The following GNG12 variants were observed in gnomAD, a reference collection of about 807,000 sequenced individuals.
GNG12 encodes guanine nucleotide-binding protein G(I)/G(S)/G(O) subunit gamma-12.
For missense variants in GNG12, 69 were observed against 83.8 expected, an observed-to-expected ratio of 0.82 and a Z score of 0.69; for synonymous variants, 28 against 29.7, an observed-to-expected ratio of 0.94 and a Z score of 0.19.
intron 2 of GNG12, among the ~76,000 whole-genome samples, chr1:67,757,653 T>G (rs900856746): frequency 1.3e-5 from 2 of 152,182 alleles, no homozygotes; most frequent in African/African-American, 2.4e-5. Context: ...GGGACCTTGC[T>G]CTATACTGAC....
chr1:67,820,904 T>C (rs935657747), intron 1 of GNG12, among the ~76,000 whole-genome samples: 3 of 152,208 alleles, frequency 2.0e-5, no homozygotes, highest in Admixed American at 6.5e-5. Context: ...TAGAAATAAG[T>C]TTAATTGATA....
intron 1 of GNG12, among the ~76,000 whole-genome samples, chr1:67,784,164 T>C (rs1281371025): frequency 6.6e-6 from 1 of 150,676 alleles, no homozygotes; most frequent in Non-Finnish European, 1.5e-5. Context: ...ATGTCCTTTG[T>C]AGGGACATGG....
Position 67,705,801 on chromosome 1 carries a change from T to C in GNG12, c.94-225A>G, listed in dbSNP as rs372019724. Among the ~76,000 whole-genome samples, 28 of 152,296 alleles carry C rather than the reference T, an allele frequency of 1.8e-4. No homozygotes were observed. In the South Asian group the frequency reaches 5.6e-3, roughly 30 times the overall value. Reference sequence around the variant, plus strand: ...CTTTCTTAACCAAGCAACTTAACAATGGTCAGACAAACTGGCACCATGTAT... The same window carrying C: ...CTTTCTTAACCAAGCAACTTAACAACGGTCAGACAAACTGGCACCATGTAT... On this transcript the variant is annotated intron_variant, in intron 3 of 3. Coordinates refer to ENST00000370982, the MANE Select transcript of GNG12 (RefSeq NM_018841.6).
chr1:67,808,097 T>G (rs2265921), intron 1 of GNG12, among the ~76,000 whole-genome samples: 42,202 of 151,890 alleles, frequency 0.28, 6,140 homozygotes, highest in Admixed American at 0.35. Context: ...AAAAAAGAAT[T>G]ACACACTGCT....
intron 2 of GNG12, among the ~76,000 whole-genome samples, chr1:67,734,260 C>A (rs553351694): frequency 2.6e-5 from 4 of 151,872 alleles, no homozygotes; most frequent in African/African-American, 9.7e-5. Context: ...CACAGGGCAG[C>A]TAGAGAGAGT....
At chr1:67,809,722 G>A (rs1646912798) in intron 1 of GNG12, among the ~76,000 whole-genome samples, 1 of 151,986 alleles carries the variant, frequency 6.6e-6, no homozygotes, top group Admixed American at 6.6e-5. Context: ...CGAAAACAAC[G>A]AGATACCACC....
intron 2 of GNG12, among the ~76,000 whole-genome samples, chr1:67,728,417 A>G (rs893457139): frequency 1.3e-5 from 2 of 152,190 alleles, no homozygotes; most frequent in Admixed American, 6.5e-5. Flanking sequence ...CCTCGTCCCC[A>G]ACAAAGGAGA....
intron 1 of GNG12, among the ~76,000 whole-genome samples, chr1:67,819,078 A>G (rs1260052641): frequency 6.6e-6 from 1 of 152,224 alleles, no homozygotes; most frequent in Non-Finnish European, 1.5e-5. Flanking sequence ...AAGGTCAGTT[A>G]GGAAGCCACA....
At chr1:67,740,319 C>G (rs189715809) in intron 2 of GNG12, among the ~76,000 whole-genome samples, 179 of 152,336 alleles carry the variant, frequency 1.2e-3, no homozygotes, top group African/African-American at 4.3e-3. Flanking sequence ...TATTTCTTCC[C>G]TGCTGATCTG....
intron 1 of GNG12, among the ~76,000 whole-genome samples, chr1:67,830,834 G>A (rs1185841938): frequency 2.0e-5 from 3 of 151,982 alleles, no homozygotes; most frequent in Non-Finnish European, 4.4e-5. Context: ...TAGCATTTCC[G>A]GAAGGTTCAA....
chr1:67,750,676 AT>A (rs1646533784), intron 2 of GNG12, among the ~76,000 whole-genome samples: 1 of 152,134 alleles, frequency 6.6e-6, no homozygotes, highest in South Asian at 2.1e-4. Flanking sequence ...TATGTAGCAT[AT>A]TTTCCCATAG....
At chr1:67,788,227 T>C (rs1340199174) in intron 1 of GNG12, among the ~76,000 whole-genome samples, 1 of 152,204 alleles carries the variant, frequency 6.6e-6, no homozygotes, top group East Asian at 1.9e-4. Context: ...GTCAAATAAT[T>C]GCATACTTCA....
chr1:67,777,596 C>T (rs1646713294), intron 1 of GNG12, 89 bp from the exon 2 acceptor site: 1 of 182,982 alleles, frequency 5.5e-6, no homozygotes, highest in African/African-American at 2.4e-5. Context: ...TAACGTTGAG[C>T]ATTTATTCAT....
chr1:67,730,419 T>C (rs931075109), intron 2 of GNG12, among the ~76,000 whole-genome samples: 1 of 152,126 alleles, frequency 6.6e-6, no homozygotes, highest in Non-Finnish European at 1.5e-5. Flanking sequence ...GAGAAAACAC[T>C]TGAACCCAGG....
At chr1:67,748,216 G>A (rs1646517923) in intron 2 of GNG12, among the ~76,000 whole-genome samples, 2 of 152,154 alleles carry the variant, frequency 1.3e-5, no homozygotes, top group African/African-American at 4.8e-5. Context: ...TTTCGAAGGA[G>A]TTTTCTGTTT....
chr1:67,790,861 G>A (rs151041061), intron 1 of GNG12, among the ~76,000 whole-genome samples: 1,724 of 152,208 alleles, frequency 0.011, 34 homozygotes, highest in African/African-American at 0.04. Context: ...TGATCTACCC[G>A]CCTTGGCCTC....
rs537515843 is a variant in GNG12, at chr1:67,740,050, G to A, written c.-26-32338C>T. On this transcript the variant is annotated intron_variant, in intron 2 of 3. Coordinates refer to ENST00000370982, the MANE Select transcript of GNG12 (RefSeq NM_018841.6). ...CACAGGCATGGATAAATTACGGCAC[G>A]CCAGCTGGATAAATATACCACTGAA... Among the ~76,000 whole-genome samples the A allele has an allele frequency of 3.2e-4, 48 of 152,184 alleles. 1 individual carries two copies. Among genetic ancestry groups the A allele is most frequent in the South Asian group, 2.1e-3 (10 of 4,812 alleles).
chr1:67,702,253 T>C lies in GNG12; in HGVS notation c.*3198A>G, dbSNP rs958671526. 6.6e-6 allele frequency: 1 copy of C among 152,248 alleles called. No individual in the cohort carries two copies. Among genetic ancestry groups the C allele is most frequent in the African/African-American group, 2.4e-5 (1 of 41,462 alleles). The allele number at this position is 152,248 out of a possible 1,614,324, so 9.4% of individuals were successfully genotyped here. On this transcript the variant is annotated 3_prime_UTR_variant, in exon 4 of 4. Coordinates refer to ENST00000370982, the MANE Select transcript of GNG12 (RefSeq NM_018841.6). ...ACCCATAATGTACTCTGGTATTGTATTTATTTCACTGAGAAATGACTGGCA... is the reference window on the plus strand; with the variant it reads ...ACCCATAATGTACTCTGGTATTGTACTTATTTCACTGAGAAATGACTGGCA...
At chr1:67,818,419 T>TG (rs1553160788) in intron 1 of GNG12, among the ~76,000 whole-genome samples, 6 of 137,060 alleles carry the variant, frequency 4.4e-5, no homozygotes, top group African/African-American at 9.6e-5. Context: ...AGGGGTTTTT[T>TG]TTTTTTTTTT....
Sources: gnomAD v4.1 joint callset for allele counts (sites outside exome capture counted in the v4.1 genomes callset) on GRCh38, gnomAD v4.1.1 for gene constraint, MANE v1.5 for transcripts, NCBI Gene and HGNC (gene_info 2026-07-23, HGNC 2026-07-21) for gene names.